Variants in RIN2 observed in about 807,000 individuals in gnomAD.
The protein encoded by RIN2 is RAB5 interacting protein 2.
A neutral mutation model predicts 78.0 loss-of-function variants in RIN2; 36 were observed. The observed-to-expected ratio is 0.46, with a 90% confidence interval of 0.35 to 0.61. The LOEUF is 0.61. RIN2 is among the 20% of genes least tolerant of loss of function. The probability of loss-of-function intolerance (pLI) is 0.00; values close to 1 mark genes in which losing one functional copy is unlikely to be tolerated. For missense variants in RIN2, 1,087 were observed against 1,159.7 expected (o/e 0.94, Z 0.91); for synonymous variants, 466 against 466.8 (o/e 1.00, Z 0.02).
At chr20:19,920,645 G>T (rs1363818654) in intron 3 of RIN2, among the ~76,000 whole-genome samples, 1 of 152,206 alleles carries the variant, frequency 6.6e-6, no homozygotes, top group Admixed American at 6.5e-5. Context: ...TGTTTGCTCT[G>T]CAGTGTAATT....
rs149538493 is a variant in RIN2 at position 19,801,752 on chromosome 20, A to C, written c.-37+2005A>C. 3.0e-3 allele frequency among the ~76,000 whole-genome samples: 454 copies of C among 152,310 alleles called. 1 individual carries two copies. Among genetic ancestry groups the C allele is most frequent in the African/African-American group, 0.01 (436 of 41,560 alleles). ...CCCTTACCTGAGCAGATACCTAATAAATGCATGTTAAATAAACACCAAAGA... is the reference window on the plus strand; with the variant it reads ...CCCTTACCTGAGCAGATACCTAATACATGCATGTTAAATAAACACCAAAGA... On this transcript the variant is annotated intron_variant, in intron 2 of 12. Coordinates refer to ENST00000255006, the MANE Select transcript of RIN2 (RefSeq NM_018993.4).
chr20:19,762,733 G>A (rs964820656), intron 1 of RIN2, among the ~76,000 whole-genome samples: 3 of 152,022 alleles, frequency 2.0e-5, no homozygotes, highest in Non-Finnish European at 4.4e-5. Flanking sequence ...AGAAGGTAGG[G>A]AAGAAACACT....
At chr20:19,795,183 C>T (rs188968541) in intron 1 of RIN2, among the ~76,000 whole-genome samples, 42 of 152,324 alleles carry the variant, frequency 2.8e-4, no homozygotes, top group Admixed American at 9.2e-4. Flanking sequence ...AGGGAAGTCT[C>T]AGTCAGTCTG....
At chr20:19,820,775 T>G (rs7269280) in intron 2 of RIN2, among the ~76,000 whole-genome samples, 1 of 152,124 alleles carries the variant, frequency 6.6e-6, no homozygotes, top group Non-Finnish European at 1.5e-5. Context: ...ATGCGATAGG[T>G]CTGGACTGGA....
Position 19,992,282 on chromosome 20 carries a change from C to T in RIN2, c.2183C>T (p.Ser728Leu), listed in dbSNP as rs766637997. Reference protein sequence around the residue: ...IEYMMELLDPSLLHGEGGYYL... With the variant: ...IEYMMELLDPLLLHGEGGYYL... ...TACATGATGGAGCTCCTAGACCCATCGCTGTTACATGGAGAAGGTAACTGC... is the reference window on the plus strand; with the variant it reads ...TACATGATGGAGCTCCTAGACCCATTGCTGTTACATGGAGAAGGTAACTGC... Residue 728 changes from serine to leucine, a missense_variant, in exon 11 of 13, where the codon TCG becomes TTG. By Grantham distance (145) the Ser-to-Leu change is moderately radical. This residue lies in a region of RIN2 where 45 missense variants were observed against 88.1 expected (regional missense o/e 0.51). Coordinates refer to ENST00000255006, the MANE Select transcript of RIN2 (RefSeq NM_018993.4). 1.4e-5 allele frequency: 22 copies of T among 1,571,154 alleles called. No individual in the cohort carries two copies. The highest frequency in any genetic ancestry group is 1.9e-5 in the Admixed American group (1 of 52,688).
At chr20:19,915,109 A>G (rs1446575408) in intron 3 of RIN2, among the ~76,000 whole-genome samples, 1 of 152,166 alleles carries the variant, frequency 6.6e-6, no homozygotes, top group African/African-American at 2.4e-5. Context: ...AATTTATAGT[A>G]AAAAGAAAAA....
chr20:19,759,562 T>G (rs1398538844), intron 1 of RIN2, among the ~76,000 whole-genome samples: 1 of 152,178 alleles, frequency 6.6e-6, no homozygotes, highest in African/African-American at 2.4e-5. Flanking sequence ...CAGGTGGGTG[T>G]TGTTAGAACC....
In RIN2 at chr20:19,768,205, G is replaced by A. The variant is rs138399158; in HGVS notation, c.-163+9878G>A. Among the ~76,000 whole-genome samples, 753 of 152,334 alleles carry A rather than the reference G, an allele frequency of 4.9e-3. 1 individual carries two copies. The highest frequency in any genetic ancestry group is 0.01 in the Admixed American group (157 of 15,306). ...TCCTTGTCTATAACAGGAGATGAGG[G>A]AAGGTCTCAGACCAGGTTCCCTAGA... On this transcript the variant is annotated intron_variant, in intron 1 of 12. Coordinates refer to ENST00000255006, the MANE Select transcript of RIN2 (RefSeq NM_018993.4).
intron 3 of RIN2, among the ~76,000 whole-genome samples, chr20:19,921,924 G>C (rs2123803207): frequency 6.6e-6 from 1 of 152,238 alleles, no homozygotes; most frequent in Non-Finnish European, 1.5e-5. Context: ...GGAGTGCAGC[G>C]GCACAATCTC....
chr20:19,970,087 A>G (rs766032133), intron 7 of RIN2, among the ~76,000 whole-genome samples: 35 of 152,182 alleles, frequency 2.3e-4, no homozygotes, highest in Non-Finnish European at 8.8e-5. Context: ...ACGTGGCACC[A>G]TGCTGCTTGG....
chr20:19,890,942 T>A (rs6035468), intron 3 of RIN2, among the ~76,000 whole-genome samples: 1 of 152,008 alleles, frequency 6.6e-6, no homozygotes, highest in African/African-American at 2.4e-5. Flanking sequence ...GCAAGACTAG[T>A]ATATTGAAGT....
intron 12 of RIN2, among the ~76,000 whole-genome samples, chr20:19,998,858 T>G (rs1001734146): frequency 1.3e-5 from 2 of 152,068 alleles, no homozygotes; most frequent in Non-Finnish European, 2.9e-5. Flanking sequence ...ACAGAGGAAG[T>G]GAAAAAAGTT....
chr20:19,809,878 T>C (rs965616691), intron 2 of RIN2, among the ~76,000 whole-genome samples: 2 of 151,946 alleles, frequency 1.3e-5, no homozygotes. Context: ...GGCCCAGAAA[T>C]TGAAGAAAGA....
At chr20:19,922,251 C>T (rs553188499) in intron 3 of RIN2, among the ~76,000 whole-genome samples, 4 of 152,154 alleles carry the variant, frequency 2.6e-5, no homozygotes, top group Admixed American at 6.5e-5. Context: ...GATATTTACA[C>T]CCCAACACCC....
intron 4 of RIN2, among the ~76,000 whole-genome samples, chr20:19,942,703 G>T (rs1346223012): frequency 6.6e-6 from 1 of 152,136 alleles, no homozygotes; most frequent in African/African-American, 2.4e-5. Flanking sequence ...AGGTGTTTTT[G>T]ATCATCCTAG....
chr20:19,775,404 G>C (rs1272733584), intron 1 of RIN2, among the ~76,000 whole-genome samples: 2 of 152,134 alleles, frequency 1.3e-5, no homozygotes, highest in East Asian at 3.9e-4. Context: ...TCGGTATTTT[G>C]GATGTTAGCA....
At chr20:19,965,154 T>G (rs2041895846) in intron 7 of RIN2, 130 bp downstream of exon 7, 10 of 739,544 alleles carry the variant, frequency 1.4e-5, no homozygotes, top group Non-Finnish European at 2.1e-5. Context: ...ACTGGTTACT[T>G]AAGTAAAATG....
chr20:19,808,624 G>T (rs1024593737), intron 2 of RIN2, among the ~76,000 whole-genome samples: 4 of 152,218 alleles, frequency 2.6e-5, no homozygotes, highest in Non-Finnish European at 5.9e-5. Context: ...GCCCCTGTTT[G>T]TGTCAGAGAC....
Position 19,990,290 on chromosome 20 carries a change from A to G in RIN2, c.2047A>G (p.Thr683Ala). 1 of 1,613,432 alleles carries G rather than the reference A, an allele frequency of 6.2e-7. No homozygotes were observed. Among genetic ancestry groups the G allele is most frequent in the South Asian group, 1.1e-5 (1 of 90,906 alleles). Residue 683 changes from threonine to alanine, a missense_variant, in exon 10 of 13, where the codon ACG (threonine) becomes GCG (alanine). By Grantham distance (58) the Thr-to-Ala change is moderately conservative. Transcript: ENST00000255006. ...GCTGCGGGTCTGCAAGCTCATTTAC[A>G]CGGTCATGGAGAACAACTCAGGTGA... ...LLLRVCKLIY[T>A]VMENNSGRMY... is the part of the protein sequence containing the mutation.
Sources: allele counts gnomAD v4.1 joint callset (sites outside exome capture counted in the v4.1 genomes callset), GRCh38; gene constraint gnomAD v4.1.1; regional missense constraint gnomAD v4.1.1; transcripts MANE v1.5; gene names NCBI Gene and HGNC (gene_info 2026-07-23, HGNC 2026-07-21).